MAF: variants seen among roughly 807,000 people sequenced by gnomAD.
The protein encoded by MAF is MAF bZIP transcription factor.
MAF carries 10 observed loss-of-function variants against 22.0 expected under a neutral mutation model. The observed-to-expected ratio is 0.45, with a 90% CI of 0.28 to 0.77. The LOEUF (loss-of-function observed/expected upper bound fraction) is 0.77. Ranked by LOEUF, MAF falls within the 30% of genes least tolerant of loss-of-function variation. The pLI is 0.12. For synonymous variants in MAF, 337 were observed against 255.8 expected (o/e 1.32, Z -3.03); for missense variants, 544 against 548.4 (o/e 0.99, Z 0.08).
chr16:79,411,606 G>A, the MAF span, among the ~76,000 whole-genome samples: 1 of 152,186 alleles, frequency 6.6e-6, no homozygotes, highest in Non-Finnish European at 1.5e-5. Flanking sequence ...AAATTGAGGT[G>A]AATCACCTCA....
At chr16:79,236,955 A>AAC in the MAF span, among the ~76,000 whole-genome samples, 10 of 151,590 alleles carry the variant, frequency 6.6e-5, no homozygotes, top group Non-Finnish European at 5.9e-5. Flanking sequence ...AAAAAAAAAA[A>AAC]AAAACTCAAA....
At chr16:79,330,366 C>G in the MAF span, among the ~76,000 whole-genome samples, 1 of 152,206 alleles carries the variant, frequency 6.6e-6, no homozygotes, top group African/African-American at 2.4e-5. Context: ...AAGGCTCTTG[C>G]AATTTTCTAT....
chr16:79,237,777 C>G, the MAF span, among the ~76,000 whole-genome samples: 13 of 152,236 alleles, frequency 8.5e-5, no homozygotes, highest in African/African-American at 3.1e-4. Context: ...CTTGATCCAC[C>G]AGTGGCTAGC....
chr16:79,597,558 G>A lies in MAF; in HGVS notation c.1118+1227C>T, dbSNP rs190381038. 1.1e-3 allele frequency: 1,076 copies of A among 1,023,098 alleles called. 1 individual carries two copies. The highest frequency in any genetic ancestry group is 2.3e-3 in the Admixed American group (39 of 17,222). 63.4% of individuals were successfully genotyped at this position (1,023,098 alleles called of 1,614,324 possible). A position where few individuals can be genotyped will look rare whatever the true frequency, so the allele number is the denominator to read the frequency against. ...AACCCATTCTGGTATCTTTGACAAGGAATGCCTTCAGTGCATTGGGAGGTT... is the reference window on the plus strand; with the variant it reads ...AACCCATTCTGGTATCTTTGACAAGAAATGCCTTCAGTGCATTGGGAGGTT... On this transcript the variant is annotated intron_variant, in intron 1 of 1. Coordinates refer to ENST00000326043, the MANE Select transcript of MAF (RefSeq NM_005360.5).
At chr16:79,429,865 G>T in the MAF span, among the ~76,000 whole-genome samples, 1 of 152,150 alleles carries the variant, frequency 6.6e-6, no homozygotes, top group Non-Finnish European at 1.5e-5. Flanking sequence ...TAACCCCCCA[G>T]GAAAGGTGTC....
the MAF span, among the ~76,000 whole-genome samples, chr16:79,358,584 G>C: frequency 2.2e-4 from 33 of 152,178 alleles, no homozygotes; most frequent in African/African-American, 8.0e-4. Context: ...TCCCACCTTG[G>C]CAGCTGCTCA....
the MAF span, among the ~76,000 whole-genome samples, chr16:79,298,874 C>T: frequency 2.0e-5 from 3 of 152,212 alleles, no homozygotes; most frequent in South Asian, 2.1e-4. Flanking sequence ...TACCATCGCC[C>T]AGCAAGTTCT....
the MAF span, among the ~76,000 whole-genome samples, chr16:79,425,524 C>G: frequency 6.6e-6 from 1 of 152,194 alleles, no homozygotes; most frequent in Non-Finnish European, 1.5e-5. Flanking sequence ...GTTCTTCTTT[C>G]TTTTCTCACT....
chr16:79,499,430 C>G, the MAF span, among the ~76,000 whole-genome samples: 2 of 152,198 alleles, frequency 1.3e-5, no homozygotes, highest in Non-Finnish European at 2.9e-5. Context: ...GGCATAGAAG[C>G]TATAGTAGGC....
chr16:79,471,465 C>G, the MAF span, among the ~76,000 whole-genome samples: 2 of 152,150 alleles, frequency 1.3e-5, no homozygotes, highest in African/African-American at 4.8e-5. Flanking sequence ...ACAGCTCAGG[C>G]TGGGCAACAT....
the MAF span, among the ~76,000 whole-genome samples, chr16:79,561,245 A>ATT: frequency 6.8e-5 from 10 of 147,718 alleles, no homozygotes; most frequent in Non-Finnish European, 1.2e-4. Context: ...TATTTTAAAC[A>ATT]TTTTTTTTTC....
the MAF span, among the ~76,000 whole-genome samples, chr16:79,427,349 G>T: frequency 3.3e-5 from 5 of 152,226 alleles, no homozygotes; most frequent in East Asian, 1.9e-4. Flanking sequence ...ATATCCTGGG[G>T]TGCCCCAAAC....
chr16:79,430,575 G>T, the MAF span, among the ~76,000 whole-genome samples: 1 of 152,196 alleles, frequency 6.6e-6, no homozygotes, highest in Non-Finnish European at 1.5e-5. Context: ...CACACGGCAG[G>T]CACAGAGCAC....
the MAF span, among the ~76,000 whole-genome samples, chr16:79,485,257 CA>C: frequency 6.6e-6 from 1 of 152,150 alleles, no homozygotes; most frequent in African/African-American, 2.4e-5. Context: ...CACCTTTAAA[CA>C]GAAATAATAA....
the MAF span, among the ~76,000 whole-genome samples, chr16:79,552,541 G>C: frequency 1.3e-5 from 2 of 152,260 alleles, no homozygotes; most frequent in African/African-American, 4.8e-5. Context: ...TGGCTACTAA[G>C]AGAATTCTTT....
the MAF span, among the ~76,000 whole-genome samples, chr16:79,527,161 C>T: frequency 6.6e-6 from 1 of 152,110 alleles, no homozygotes; most frequent in Non-Finnish European, 1.5e-5. Flanking sequence ...AGGGACAGAC[C>T]ACATTTTTGG....
the MAF span, among the ~76,000 whole-genome samples, chr16:79,565,447 C>T: frequency 1.1e-4 from 16 of 152,198 alleles, no homozygotes; most frequent in East Asian, 1.4e-3. Flanking sequence ...GATATGGTTT[C>T]GCTGTGTCCC....
At chr16:79,528,012 G>A in the MAF span, among the ~76,000 whole-genome samples, 1 of 152,130 alleles carries the variant, frequency 6.6e-6, no homozygotes, top group Non-Finnish European at 1.5e-5. Context: ...GCGTGTTGGT[G>A]CGCACCTGTA....
At chr16:79,473,151 G>A in the MAF span, among the ~76,000 whole-genome samples, 817 of 152,238 alleles carry the variant, frequency 5.4e-3, 6 homozygotes, top group Non-Finnish European at 8.6e-3. Context: ...CTGGCTCAGC[G>A]TAGGGATAGT....
Sources: allele counts gnomAD v4.1 joint callset (sites outside exome capture counted in the v4.1 genomes callset), GRCh38; gene constraint gnomAD v4.1.1; transcripts MANE v1.5; gene names NCBI Gene and HGNC (gene_info 2026-07-23, HGNC 2026-07-21).